MICB: variants seen among roughly 807,000 people sequenced by gnomAD.
MICB encodes MHC class I polypeptide-related sequence B, also known as MHC class I antigen-related protein B.
A neutral mutation model predicts 34.3 loss-of-function variants in MICB; 27 were observed. The ratio of observed to expected loss-of-function variants is 0.79; its 90% CI spans 0.58 to 1.08. MICB has a LOEUF of 1.08. Ranked by LOEUF, MICB falls within the 50% of genes least tolerant of loss-of-function variation. The pLI is 0.00. For missense variants in MICB, 426 were observed against 483.1 expected, an observed-to-expected ratio of 0.88 and a Z score of 1.11; for synonymous variants, 153 against 187.4, an observed-to-expected ratio of 0.82 and a Z score of 1.50.
chr6:31,505,764 C>T lies in MICB; in HGVS notation c.218C>T (p.Ala73Val), dbSNP rs937914478. The change falls in exon 2 of 6, where the codon GCA becomes GTA. Residue 73 changes from alanine to valine, a missense_variant. Physicochemically the swap from Ala to Val is moderately conservative, Grantham distance 64. Coordinates refer to ENST00000252229, the MANE Select transcript of MICB (RefSeq NM_005931.5). ...KRRAKPQGQW[A>V]ENVLGAKTWD... Reference sequence around the variant, plus strand: ...AGGGCAAAGCCCCAGGGACAGTGGGCAGAAAATGTCCTGGGAGCTAAGACC... The same window carrying T: ...AGGGCAAAGCCCCAGGGACAGTGGGTAGAAAATGTCCTGGGAGCTAAGACC... 2.6e-5 allele frequency: 42 copies of T among 1,613,058 alleles called. No homozygotes were observed. Among genetic ancestry groups the T allele is most frequent in the Non-Finnish European group, 3.5e-5 (41 of 1,180,054 alleles).
Position 31,505,101 on chromosome 6 carries a change from T to C in MICB, c.71-516T>C, listed in dbSNP as rs188603303. 1.5e-3 allele frequency among the ~76,000 whole-genome samples: 225 copies of C among 152,034 alleles called. 1 individual carries two copies. The highest frequency in any genetic ancestry group is 2.3e-3 in the Non-Finnish European group (155 of 67,910). Reference sequence around the variant, plus strand: ...ATAAACTTCACTGGGGCTACAACCTTCCTACCCCTTGTGCCTCATGACCAC... The same window carrying C: ...ATAAACTTCACTGGGGCTACAACCTCCCTACCCCTTGTGCCTCATGACCAC... On this transcript the variant is annotated intron_variant, in intron 1 of 5. Transcript: ENST00000252229.
At position 31,507,607 on chromosome 6, in the gene MICB, A is replaced by G; in HGVS notation, c.1024+76A>G. Reference sequence around the variant, plus strand: ...TAGGGTCTCCTCATTGCTCCTGCCCAGACAAGACGTAGGTGACAAGGCTGC... The same window carrying G: ...TAGGGTCTCCTCATTGCTCCTGCCCGGACAAGACGTAGGTGACAAGGCTGC... On this transcript the variant is annotated intron_variant, in intron 5 of 5. Transcript: ENST00000252229. This position sits in a 1 kb window ranked among gnomAD's most constrained non-coding sequence, Gnocchi z 6.0. The G allele has an allele frequency of 6.4e-7, 1 of 1,570,232 alleles. No individual in the cohort carries two copies. The highest frequency in any genetic ancestry group is 1.4e-5 in the African/African-American group (1 of 73,834).
chr6:31,508,780 C>T (rs1019821300), intron 5 of MICB, among the ~76,000 whole-genome samples: 3 of 152,288 alleles, frequency 2.0e-5, no homozygotes, highest in African/African-American at 4.8e-5. Flanking sequence ...TAAAGATGTT[C>T]GTAATTTCAG....
rs534069667 is a variant in MICB, at chr6:31,502,101, C to T, written c.71-3516C>T. 2.6e-5 allele frequency among the ~76,000 whole-genome samples: 4 copies of T among 152,168 alleles called. No individual in the cohort carries two copies. The South Asian group carries it at 6.2e-4, about 24-fold the overall frequency. ...CTGTAATCCCAGCACTTTGGGAGGC[C>T]GAGTCAGGTGGATCACTTGAGATCA... On this transcript the variant is annotated intron_variant, in intron 1 of 5. Coordinates refer to ENST00000252229, the MANE Select transcript of MICB (RefSeq NM_005931.5).
intron 5 of MICB, among the ~76,000 whole-genome samples, 153 bp from the exon 6 acceptor site, chr6:31,509,629 A>G (rs948242835): frequency 2.6e-5 from 4 of 152,162 alleles, no homozygotes; most frequent in Non-Finnish European, 5.9e-5. Context: ...GGGCTGGGAA[A>G]AGCAAGGAGG....
intron 1 of MICB, chr6:31,498,720 G>C (rs1398265129): frequency 6.4e-6 from 1 of 155,418 alleles, no homozygotes; most frequent in Non-Finnish European, 1.4e-5. Flanking sequence ...GCCCGCCTCG[G>C]CCTCCCAAAG....
In MICB at chr6:31,506,034, G is replaced by A. The variant is rs573353561; in HGVS notation, c.326-109G>A. 1.3e-5 allele frequency: 20 copies of A among 1,488,766 alleles called. No homozygotes were observed. In the Admixed American group the frequency reaches 3.4e-4, roughly 25 times the overall value. The allele number at this position is 1,488,766 out of a possible 1,614,324, so 92.2% of individuals were successfully genotyped here. A position where few individuals can be genotyped will look rare whatever the true frequency, so the allele number is the denominator to read the frequency against. On this transcript the variant is annotated intron_variant, in intron 2 of 5. Transcript: ENST00000252229. ...GGTGAGCCGGAACTCAGCCCACACA[G>A]GGAGGCATGGAGGAGGGCCAGGGAG...
intron 1 of MICB, 145 bp downstream of exon 1, chr6:31,498,408 C>G: frequency 2.4e-6 from 1 of 418,016 alleles, no homozygotes; most frequent in Non-Finnish European, 4.2e-6. Context: ...GCCGCCTGTT[C>G]CCGCCACACC....
rs1765418053 is a variant in MICB at position 31,507,449 on chromosome 6, T to C, written c.942T>C (p.Ser314=). The change falls in exon 5 of 6, where the codon TCT becomes TCC. Residue 314 remains serine, a synonymous_variant. Coordinates refer to ENST00000252229, the MANE Select transcript of MICB (RefSeq NM_005931.5). The surrounding 1 kb of genome is among the most constrained non-coding windows in gnomAD (Gnocchi z 6.0). ...QSQRTDFPYV[S]AAMPCFVIII... is the part of the protein sequence containing the mutation. Reference sequence around the variant, plus strand: ...AACGGACAGACTTTCCATATGTTTCTGCTGCTATGCCATGTTTTGTTATTA... The same window carrying C: ...AACGGACAGACTTTCCATATGTTTCCGCTGCTATGCCATGTTTTGTTATTA... 6.2e-7 allele frequency: 1 copy of C among 1,614,076 alleles called. No homozygotes were observed. The highest frequency in any genetic ancestry group is 8.5e-7 in the Non-Finnish European group (1 of 1,180,040).
rs1464269054 is a variant in MICB at position 31,509,954 on chromosome 6, C to T, written c.*45C>T. 1 of 1,536,474 alleles carries T rather than the reference C, an allele frequency of 6.5e-7. No individual in the cohort carries two copies. Among genetic ancestry groups the T allele is most frequent in the Admixed American group, 2.1e-5 (1 of 48,460 alleles). On this transcript the variant is annotated 3_prime_UTR_variant, in exon 6 of 6. Coordinates refer to ENST00000252229, the MANE Select transcript of MICB (RefSeq NM_005931.5). Reference sequence around the variant, plus strand: ...AGGATTCAACTCCCTGCCTGGATCTCACCAGCACTTTCCCTCTGTTTCCTG... The same window carrying T: ...AGGATTCAACTCCCTGCCTGGATCTTACCAGCACTTTCCCTCTGTTTCCTG...
At chr6:31,504,923 A>G (rs1315947881) in intron 1 of MICB, among the ~76,000 whole-genome samples, 3 of 152,144 alleles carry the variant, frequency 2.0e-5, no homozygotes, top group African/African-American at 7.2e-5. Flanking sequence ...ATTTGCTGAA[A>G]AGATGGACTT....
chr6:31,502,258 C>A (rs1301718301), intron 1 of MICB, among the ~76,000 whole-genome samples: 1 of 152,164 alleles, frequency 6.6e-6, no homozygotes, highest in Non-Finnish European at 1.5e-5. Flanking sequence ...ATCGCTTGAA[C>A]CCAGGAGGCA....
chr6:31,510,064 C>A lies in MICB; in HGVS notation c.*155C>A. 1 of 769,230 alleles carries A rather than the reference C, an allele frequency of 1.3e-6. No individual in the cohort carries two copies. The highest frequency in any genetic ancestry group is 3.1e-5 in the East Asian group (1 of 32,390). 47.7% of individuals were successfully genotyped at this position (769,230 alleles called of 1,614,324 possible). Reference sequence around the variant, plus strand: ...TAGTAGGTATGAGGTGTTTGCTGCTCTGCCACGTAGAGAGCCAGCAAAGGG... The same window carrying A: ...TAGTAGGTATGAGGTGTTTGCTGCTATGCCACGTAGAGAGCCAGCAAAGGG... On this transcript the variant is annotated 3_prime_UTR_variant, in exon 6 of 6. Transcript: ENST00000252229.
upstream of MICB, chr6:31,496,680 T>C (rs1485553177): frequency 6.6e-6 from 1 of 152,054 alleles, no homozygotes; most frequent in African/African-American, 2.4e-5. Context: ...TTTCCTTTTT[T>C]TTTTTTTTTA....
At chr6:31,498,037 C>T, upstream of MICB, 1 of 431,954 alleles carries the variant, frequency 2.3e-6, no homozygotes, top group Non-Finnish European at 4.0e-6. Context: ...GCCCCGCCCT[C>T]TCCACTCATG....
chr6:31,500,996 G>A (rs775400138), intron 1 of MICB, among the ~76,000 whole-genome samples: 5 of 152,174 alleles, frequency 3.3e-5, no homozygotes, highest in Non-Finnish European at 7.3e-5. Context: ...TTAGTTTTTG[G>A]AAGAACCTCC....
chr6:31,497,248 G>A (rs1348984758), upstream of MICB, among the ~76,000 whole-genome samples: 1 of 152,214 alleles, frequency 6.6e-6, no homozygotes, highest in Non-Finnish European at 1.5e-5. Flanking sequence ...CAAGGATGGT[G>A]AAGTTCTTAA....
rs777316978 is a variant in MICB at position 31,498,273 on chromosome 6, G to A, written c.70+10G>A. The A allele has an allele frequency of 1.4e-5, 22 of 1,555,226 alleles. No homozygotes were observed. The South Asian group carries it at 2.4e-4, about 17-fold the overall frequency. On this transcript the variant is annotated intron_variant, in intron 1 of 5. Coordinates refer to ENST00000252229, the MANE Select transcript of MICB (RefSeq NM_005931.5). ...CCGGCAGCCGCCGCTGGTGAGTGGG[G>A]TTCCTGGCGGTCCCCGGCGGAGCGG...
chr6:31,501,263 C>T (rs150338837), intron 1 of MICB, among the ~76,000 whole-genome samples: 132 of 152,290 alleles, frequency 8.7e-4, no homozygotes, highest in African/African-American at 2.7e-3. Context: ...ATCTTTTGCT[C>T]ATTTTTAAGT....
Sources: allele counts gnomAD v4.1 joint callset (sites outside exome capture counted in the v4.1 genomes callset), GRCh38; gene constraint gnomAD v4.1.1; non-coding constraint Gnocchi (gnomAD v3.1); transcripts MANE v1.5; gene names NCBI Gene and HGNC (gene_info 2026-07-23, HGNC 2026-07-21).